MYH2: variants seen among roughly 807,000 people sequenced by gnomAD.
MYH2 encodes the protein myosin-2.
MYH2 carries 139 observed loss-of-function variants against 228.1 expected under a neutral mutation model. The observed-to-expected ratio is 0.61, with a 90% CI of 0.53 to 0.70. The LOEUF (loss-of-function observed/expected upper bound fraction) is 0.70. MYH2 is among the 30% of genes least tolerant of loss of function. The pLI is 0.00. For synonymous variants in MYH2, 796 were observed against 871.1 expected, an observed-to-expected ratio of 0.91 and a Z score of 1.52; for missense variants, 1,809 against 2,357.5, an observed-to-expected ratio of 0.77 and a Z score of 4.82.
rs761315935 is a variant in MYH2 at position 10,547,594 on chromosome 17, C to T, written c.229G>A (p.Val77Ile). The change falls in exon 4 of 40, where the codon GTC (valine) becomes ATC (isoleucine). Residue 77 changes from valine (V) to isoleucine (I), a missense_variant. Physicochemically the swap from Val to Ile is conservative, Grantham distance 29. This residue lies in a region of MYH2 where 373 missense variants were observed against 620.4 expected (regional missense o/e 0.60). Transcript: ENST00000245503. ...TATTTGGGAGGGTTCATGGGGAAGA[C>T]CTGATCATCCTTCACTGTCAGAGTC... ...GATLTVKDDQ[V>I]FPMNPPKYDK... 5 of 1,614,146 alleles carry T rather than the reference C, an allele frequency of 3.1e-6. No homozygotes were observed. In the South Asian group the frequency reaches 4.4e-5, roughly 14 times the overall value.
chr17:10,525,860 G>T lies in MYH2; in HGVS notation c.4204C>A (p.Arg1402=), dbSNP rs150968280. ...LEEAKKKLAQ[R]LQAAEEHVEA... Reference sequence around the variant, plus strand: ...ACATGTTCCTCAGCTGCCTGCAGCCGCTGGGCCAGCTTCTTCCTTGAATAT... The same window carrying T: ...ACATGTTCCTCAGCTGCCTGCAGCCTCTGGGCCAGCTTCTTCCTTGAATAT... Residue 1402 remains arginine (R), a synonymous_variant, in exon 31 of 40, where the codon CGG becomes AGG. Transcript: ENST00000245503. This position sits in a 1 kb window ranked among gnomAD's most constrained non-coding sequence, Gnocchi z 4.2. 6.2e-7 allele frequency: 1 copy of T among 1,614,032 alleles called. No individual in the cohort carries two copies. Among genetic ancestry groups the T allele is most frequent in the Non-Finnish European group, 8.5e-7 (1 of 1,180,024 alleles).
At chr17:10,530,600 A>G (rs1264626341) in intron 22 of MYH2, among the ~76,000 whole-genome samples, 1 of 152,104 alleles carries the variant, frequency 6.6e-6, no homozygotes, top group African/African-American at 2.4e-5. Context: ...TTGAAACATA[A>G]AGTAATCAAG....
At chr17:10,528,646 A>C (rs1327342939) in intron 27 of MYH2, 44 bp downstream of exon 27, 1 of 1,613,686 alleles carries the variant, frequency 6.2e-7, no homozygotes, top group Non-Finnish European at 8.5e-7. Context: ...TGATGTGTCC[A>C]TAATGCATTA....
chr17:10,527,901 A>G, intron 27 of MYH2, 27 bp from the exon 28 acceptor site: 1 of 1,609,666 alleles, frequency 6.2e-7, no homozygotes, highest in Non-Finnish European at 8.5e-7. Context: ...AAAAGAAGAA[A>G]ACAGAGACCT....
At position 10,540,023 on chromosome 17, in the gene MYH2, G is replaced by T; in HGVS notation, c.1052C>A (p.Ser351Tyr). The T allele has an allele frequency of 6.2e-7, 1 of 1,613,940 alleles. No homozygotes were observed. The highest frequency in any genetic ancestry group is 8.5e-7 in the Non-Finnish European group (1 of 1,179,938). ...CACAGCCCCCGTGAGCTTGTAAATG[G>T]AGACCTTTTCTTCATTAGTAAAGCC... ...ILGFTNEEKV[S>Y]IYKLTGAVMH... is the part of the protein sequence containing the mutation. Residue 351 changes from serine (S) to tyrosine (Y), a missense_variant, in exon 12 of 40, where the codon TCC (serine) becomes TAC (tyrosine). Coordinates refer to ENST00000245503, the MANE Select transcript of MYH2 (RefSeq NM_017534.6).
At chr17:10,531,591 T>A (rs757046888) in intron 22 of MYH2, 42 bp downstream of exon 22, 33 of 1,614,074 alleles carry the variant, frequency 2.0e-5, no homozygotes, top group Non-Finnish European at 2.8e-5. Context: ...TTCTAGCACC[T>A]GCATCCTGGT....
rs1401174183 is a variant in MYH2 at position 10,521,448 on chromosome 17, G to A, written c.5674-16C>T. The A allele has an allele frequency of 6.2e-7, 1 of 1,613,316 alleles. No homozygotes were observed. Among genetic ancestry groups the A allele is most frequent in the South Asian group, 1.1e-5 (1 of 91,056 alleles). ...ATTGTTCCTCCTGAGAATAAAAATG[G>A]AATTGTAAGGAACTCATACTTGCAT... On this transcript the variant is annotated splice_polypyrimidine_tract_variant and intron_variant, in intron 39 of 39. Coordinates refer to ENST00000245503, the MANE Select transcript of MYH2 (RefSeq NM_017534.6).
intron 10 of MYH2, 80 bp from the exon 11 acceptor site, chr17:10,540,777 C>T: frequency 7.9e-7 from 1 of 1,268,572 alleles, no homozygotes; most frequent in Non-Finnish European, 1.1e-6. Context: ...AATTGTGAGG[C>T]ACTATATTGT....
At chr17:10,534,013 T>C (rs1176225809) in intron 19 of MYH2, among the ~76,000 whole-genome samples, 2 of 152,248 alleles carry the variant, frequency 1.3e-5, no homozygotes, top group Non-Finnish European at 2.9e-5. Flanking sequence ...CAGTACACTT[T>C]AGGTATTCAG....
intron 14 of MYH2, 76 bp downstream of exon 14, chr17:10,539,129 T>A (rs148863929): frequency 6.2e-7 from 1 of 1,611,072 alleles, no homozygotes; most frequent in East Asian, 2.2e-5. Context: ...AAGGTCATAG[T>A]CTTCACTAAT....
intron 4 of MYH2, among the ~76,000 whole-genome samples, chr17:10,547,134 T>C (rs1012416121): frequency 1.4e-4 from 22 of 152,154 alleles, no homozygotes; most frequent in African/African-American, 5.1e-4. Context: ...CATGTTTATC[T>C]TTTCACTCTG....
In MYH2 at chr17:10,543,159, A is replaced by G; in HGVS notation, c.744T>C (p.Gly248=). The change falls in exon 9 of 40, where the codon GGT becomes GGC. Residue 248 remains glycine, a splice_region_variant and synonymous_variant. Coordinates refer to ENST00000245503, the MANE Select transcript of MYH2 (RefSeq NM_017534.6). ...TVRNDNSSRF[G]KFIRIHFGTT... is the part of the protein sequence containing the mutation. Reference sequence around the variant, plus strand: ...TGCCAAAGTGGATTCTGATGAATTTACCCTTGAAATAAAAGCTAATATTAC... The same window carrying G: ...TGCCAAAGTGGATTCTGATGAATTTGCCCTTGAAATAAAAGCTAATATTAC... The G allele has an allele frequency of 2.5e-6, 4 of 1,607,586 alleles. No homozygotes were observed. Among genetic ancestry groups the G allele is most frequent in the Non-Finnish European group, 3.4e-6 (4 of 1,175,770 alleles).
chr17:10,544,476 C>T (rs1477914482), intron 5 of MYH2, among the ~76,000 whole-genome samples: 1 of 152,318 alleles, frequency 6.6e-6, no homozygotes, highest in Admixed American at 6.5e-5. Flanking sequence ...AATACTCTAT[C>T]ACTAAATAAA....
intron 16 of MYH2, among the ~76,000 whole-genome samples, chr17:10,537,000 G>A (rs1187822199): frequency 1.3e-5 from 2 of 152,198 alleles, no homozygotes; most frequent in East Asian, 3.9e-4. Context: ...CGTAGAAGCT[G>A]AGGCTTTTCA....
chr17:10,525,813 A>G lies in MYH2; in HGVS notation c.4251T>C (p.Cys1417=). Residue 1417 remains cysteine (C), a synonymous_variant, in exon 31 of 40, where the codon TGT becomes TGC. Coordinates refer to ENST00000245503, the MANE Select transcript of MYH2 (RefSeq NM_017534.6). The surrounding 1 kb of genome is among the most constrained non-coding windows in gnomAD (Gnocchi z 4.2). ...EEHVEAVNAK[C]ASLEKTKQRL... ...GCTGCTTCGTCTTTTCGAGGGAAGC[A>G]CATTTGGCGTTCACAGCTTCTACAT... is the stretch of plus-strand genomic sequence containing the variant. 1 of 1,614,164 alleles carries G rather than the reference A, an allele frequency of 6.2e-7. No homozygotes were observed. Among genetic ancestry groups the G allele is most frequent in the Non-Finnish European group, 8.5e-7 (1 of 1,180,020 alleles).
rs371720928 is a variant in MYH2 at position 10,525,887 on chromosome 17, A to C, written c.4188-11T>G. On this transcript the variant is annotated splice_polypyrimidine_tract_variant and intron_variant, in intron 30 of 39. Transcript: ENST00000245503. The surrounding 1 kb of genome is among the most constrained non-coding windows in gnomAD (Gnocchi z 4.2). ...TGGGCCAGCTTCTTCCTTGAATATT[A>C]TACATGTTTTCAGAGAGAAGTGAAC... 2.5e-6 allele frequency: 4 copies of C among 1,613,590 alleles called. No homozygotes were observed. Among genetic ancestry groups the C allele is most frequent in the Non-Finnish European group, 3.4e-6 (4 of 1,179,680 alleles).
In MYH2 at chr17:10,521,405, T is replaced by G; in HGVS notation, c.5701A>C (p.Lys1901Gln). The change falls in exon 40 of 40, where the codon AAA becomes CAA. Residue 1901 changes from lysine (K) to glutamine (Q), a missense_variant. Physicochemically the swap from Lys to Gln is moderately conservative, Grantham distance 53. Coordinates refer to ENST00000245503, the MANE Select transcript of MYH2 (RefSeq NM_017534.6). ...AEEQSNTNLAKFRKLQHELEE... is the reference protein window; with the variant it reads ...AEEQSNTNLAQFRKLQHELEE... ...AGCTCATGCTGGAGCTTGCGGAATT[T>G]AGCTAGATTGGTGTTGGATTGTTCC... is the stretch of plus-strand genomic sequence containing the variant. 1 of 1,614,150 alleles carries G rather than the reference T, an allele frequency of 6.2e-7. No individual in the cohort carries two copies. The highest frequency in any genetic ancestry group is 8.5e-7 in the Non-Finnish European group (1 of 1,179,988).
chr17:10,523,363 T>A lies in MYH2; in HGVS notation c.5522A>T (p.Glu1841Val). The A allele has an allele frequency of 3.7e-6, 6 of 1,614,248 alleles. No homozygotes were observed. Among genetic ancestry groups the A allele is most frequent in the Non-Finnish European group, 4.2e-6 (5 of 1,180,052 alleles). Residue 1841 changes from glutamate (E) to valine (V), a missense_variant, in exon 38 of 40, where the codon GAG (glutamate) becomes GTG (valine). Physicochemically the swap from Glu to Val is moderately radical, Grantham distance 121. Around this residue, in one of 9 missense-constraint regions of MYH2, gnomAD observed 278 missense variants for 308.5 expected, o/e 0.90. Coordinates refer to ENST00000245503, the MANE Select transcript of MYH2 (RefSeq NM_017534.6). ...EVESEQKRNA[E>V]AVKGLRKHER... ...ATGTTTGCGCAGACCTTTGACAGCC[T>A]CAGCATTACGCTTTTGCTCACTCTC...
rs199751037 is a variant in MYH2, at chr17:10,525,546, C to T, written c.4442G>A (p.Arg1481His). 589 of 1,614,048 alleles carry T rather than the reference C, an allele frequency of 3.6e-4. No homozygotes were observed. Among genetic ancestry groups the T allele is most frequent in the Non-Finnish European group, 4.8e-4 (570 of 1,180,030 alleles). ...CTTGAACAGCTCAGTGCCAAGGGAA[C>T]GGGCCTCCTTCTGGGAGGCCTCAAG... ...AELEASQKEA[R>H]SLGTELFKIK... The change falls in exon 32 of 40, where the codon CGT becomes CAT. Residue 1481 changes from arginine (R) to histidine (H), a missense_variant. Around this residue, in one of 9 missense-constraint regions of MYH2, gnomAD observed 636 missense variants for 729.9 expected, o/e 0.87. Coordinates refer to ENST00000245503, the MANE Select transcript of MYH2 (RefSeq NM_017534.6). This position sits in a 1 kb window ranked among gnomAD's most constrained non-coding sequence, Gnocchi z 4.2.
Sources: allele counts gnomAD v4.1 joint callset (sites outside exome capture counted in the v4.1 genomes callset), GRCh38; gene constraint gnomAD v4.1.1; regional missense constraint gnomAD v4.1.1; non-coding constraint Gnocchi (gnomAD v3.1); transcripts MANE v1.5; gene names NCBI Gene and HGNC (gene_info 2026-07-23, HGNC 2026-07-21).